RELN: variants seen among roughly 807,000 people sequenced by gnomAD.
RELN encodes reelin.
RELN carries 108 observed loss-of-function variants against 427.6 expected under a neutral mutation model. The observed-to-expected ratio is 0.25, with a 90% CI of 0.22 to 0.30. The LOEUF (loss-of-function observed/expected upper bound fraction) is 0.30. Among genes scored for constraint, RELN ranks in the 10% least tolerant of loss-of-function variants. RELN has a pLI of 1.00. For synonymous variants in RELN, 1,524 were observed against 1,513.4 expected (o/e 1.01, Z -0.16); for missense variants, 3,715 against 4,302.8 (o/e 0.86, Z 3.82).
At chr7:103,588,300 T>C (rs868662431) in intron 28 of RELN, among the ~76,000 whole-genome samples, 5 of 152,162 alleles carry the variant, frequency 3.3e-5, no homozygotes, top group Middle Eastern at 3.4e-3. Flanking sequence ...TTCTCAGTTA[T>C]ATGTGGGAGA....
intron 8 of RELN, among the ~76,000 whole-genome samples, chr7:103,709,317 C>G (rs1188671014): frequency 2.0e-5 from 3 of 152,168 alleles, no homozygotes; most frequent in Non-Finnish European, 4.4e-5. Context: ...TGCTACATTT[C>G]TGTTCCTCTG....
intron 4 of RELN, among the ~76,000 whole-genome samples, chr7:103,764,834 CAAAAA>C (rs545236187): frequency 3.8e-5 from 2 of 52,582 alleles, no homozygotes; most frequent in African/African-American, 5.5e-5. Context: ...AGACTCCTCT[CAAAAA>C]AAAAAAAAAA....
chr7:103,791,761 G>A (rs1792166310), intron 3 of RELN, among the ~76,000 whole-genome samples: 1 of 131,916 alleles, frequency 7.6e-6, no homozygotes, highest in Admixed American at 8.1e-5. Context: ...GTGCAACAAA[G>A]GATACCATTT....
chr7:103,850,064 T>C (rs1249952698), intron 2 of RELN, among the ~76,000 whole-genome samples: 1 of 152,232 alleles, frequency 6.6e-6, no homozygotes, highest in Non-Finnish European at 1.5e-5. Context: ...AACATACCAA[T>C]TGCATTACAG....
chr7:103,660,395 T>C (rs1833113743), intron 12 of RELN, among the ~76,000 whole-genome samples: 1 of 152,176 alleles, frequency 6.6e-6, no homozygotes, highest in African/African-American at 2.4e-5. Flanking sequence ...CTATATTACT[T>C]TATTTTATAT....
intron 2 of RELN, among the ~76,000 whole-genome samples, chr7:103,910,033 C>T (rs1795328745): frequency 1.5e-5 from 2 of 131,464 alleles, no homozygotes; most frequent in Non-Finnish European, 3.1e-5. Context: ...ATTGATTCTT[C>T]CTACCCATGA....
chr7:103,691,047 C>T (rs1204380638), intron 10 of RELN, among the ~76,000 whole-genome samples: 2 of 152,090 alleles, frequency 1.3e-5, no homozygotes, highest in Admixed American at 1.3e-4. Context: ...TCAAAAAGCA[C>T]AACAAATATA....
chr7:103,841,147 C>T (rs770747440), intron 2 of RELN, among the ~76,000 whole-genome samples: 40 of 152,074 alleles, frequency 2.6e-4, no homozygotes, highest in Non-Finnish European at 4.4e-4. Context: ...CCTTCAAACT[C>T]CAAAGTTCTA....
intron 53 of RELN, 54 bp from the exon 54 acceptor site, chr7:103,498,306 G>T: frequency 6.7e-7 from 1 of 1,485,166 alleles, no homozygotes; most frequent in Non-Finnish European, 9.4e-7. Context: ...GATAACTATG[G>T]AATATTTAAG....
chr7:103,789,071 C>A (rs1465928136), intron 3 of RELN, among the ~76,000 whole-genome samples: 1 of 152,048 alleles, frequency 6.6e-6, no homozygotes, highest in Non-Finnish European at 1.5e-5. Context: ...ACAAACCTGA[C>A]AAAAACGAGC....
rs80201702 is a variant in RELN at position 103,949,756 on chromosome 7, C to T, written c.227-32571G>A. ...CTTTCATAATTGGTAGAAAATTAAC[C>T]GGTATGGTTTCTCAAGAATGTAAAC... On this transcript the variant is annotated intron_variant, in intron 1 of 64. Coordinates refer to ENST00000428762, the MANE Select transcript of RELN (RefSeq NM_005045.4). Among the ~76,000 whole-genome samples the T allele has an allele frequency of 7.7e-3, 1,171 of 152,222 alleles. 6 individuals carry two copies. The highest frequency in any genetic ancestry group is 0.031 in the Middle Eastern group (9 of 292).
chr7:103,920,593 T>TTTGA (rs57282777), intron 1 of RELN, among the ~76,000 whole-genome samples: 13,582 of 129,154 alleles, frequency 0.11, 1,662 homozygotes, highest in African/African-American at 0.29. Flanking sequence ...TTTTTTTTTT[T>TTTGA]GAGAGAGTCT....
chr7:103,635,516 C>G lies in RELN; in HGVS notation c.2374G>C (p.Gly792Arg). 1 of 1,613,938 alleles carries G rather than the reference C, an allele frequency of 6.2e-7. No homozygotes were observed. The highest frequency in any genetic ancestry group is 8.5e-7 in the Non-Finnish European group (1 of 1,179,886). Residue 792 changes from glycine to arginine, a missense_variant, in exon 19 of 65, where the codon GGT becomes CGT. Physicochemically the swap from Gly to Arg is moderately radical, Grantham distance 125. Around this residue, in one of 4 missense-constraint regions of RELN, gnomAD observed 2,208 missense variants for 2,361.7 expected, o/e 0.93. Transcript: ENST00000428762. ...LSTCRAPDQP[G>R]EGVLLHYSYD... ...GAATAATGCAACAAAACTCCTTCAC[C>G]AGGCTGATCAGGGGCTCTGCACGTG...
intron 48 of RELN, among the ~76,000 whole-genome samples, chr7:103,521,016 C>T (rs991209904): frequency 1.1e-4 from 13 of 122,404 alleles, no homozygotes; most frequent in East Asian, 2.4e-4. Context: ...GTCGCCCAGG[C>T]GGGACTGCGG....
At chr7:103,815,725 C>T (rs262368) in intron 3 of RELN, among the ~76,000 whole-genome samples, 142,284 of 151,722 alleles carry the variant, frequency 0.94, 66,883 homozygotes, top group South Asian at 1. Flanking sequence ...CAAAGACTTT[C>T]TAAAATTGAC....
At chr7:103,803,817 ATTTT>A (rs2116318961) in intron 3 of RELN, among the ~76,000 whole-genome samples, 1 of 152,104 alleles carries the variant, frequency 6.6e-6, no homozygotes, top group East Asian at 1.9e-4. Context: ...GGAGTCTGTC[ATTTT>A]TCTTCTGCTC....
chr7:103,584,528 A>G (rs999658311), intron 28 of RELN, among the ~76,000 whole-genome samples: 4 of 152,244 alleles, frequency 2.6e-5, no homozygotes, highest in African/African-American at 7.2e-5. Flanking sequence ...TCCTAAACAT[A>G]TATGTACCCA....
chr7:103,986,349 A>G (rs1242699126), intron 1 of RELN, among the ~76,000 whole-genome samples: 1 of 152,224 alleles, frequency 6.6e-6, no homozygotes, highest in Non-Finnish European at 1.5e-5. Flanking sequence ...TTAATGTAAA[A>G]ATCTGTGACA....
chr7:103,657,407 T>C (rs1833044578), intron 12 of RELN, among the ~76,000 whole-genome samples: 2 of 151,948 alleles, frequency 1.3e-5, no homozygotes, highest in African/African-American at 4.8e-5. Context: ...TATATACATA[T>C]AAGGATATTT....
Sources: allele counts gnomAD v4.1 joint callset (sites outside exome capture counted in the v4.1 genomes callset), GRCh38; gene constraint gnomAD v4.1.1; regional missense constraint gnomAD v4.1.1; transcripts MANE v1.5; gene names NCBI Gene and HGNC (gene_info 2026-07-23, HGNC 2026-07-21).